Variants in IGFBP2 observed in about 807,000 individuals in gnomAD.
IGFBP2 encodes the protein insulin-like growth factor-binding protein 2.
In IGFBP2, 12 loss-of-function variants were observed where a neutral mutation model predicts 26.2. The ratio of observed to expected loss-of-function variants is 0.46; its 90% CI spans 0.29 to 0.74. The LOEUF (loss-of-function observed/expected upper bound fraction) is 0.74. IGFBP2 is among the 30% of genes least tolerant of loss of function. The pLI, the probability that IGFBP2 is intolerant of heterozygous loss-of-function variation, is 0.09. For synonymous variants in IGFBP2, 189 were observed against 200.6 expected, an observed-to-expected ratio of 0.94 and a Z score of 0.49; for missense variants, 328 against 441.2, an observed-to-expected ratio of 0.74 and a Z score of 2.30.
At chr2:216,661,817 C>T (rs1295909160) in intron 2 of IGFBP2, 41 bp from the exon 3 acceptor site, 1 of 1,612,710 alleles carries the variant, frequency 6.2e-7, no homozygotes, top group Non-Finnish European at 8.5e-7. Flanking sequence ...CGTGGGCCTG[C>T]TGTCCTCACT....
In IGFBP2 at chr2:216,660,587, T is replaced by G; in HGVS notation, c.473T>G (p.Leu158Arg). Reference protein sequence around the residue: ...DNGDDHSEGGLVENHVDSTMN... With the variant: ...DNGDDHSEGGRVENHVDSTMN... ...GGCGATGACCACTCAGAAGGAGGCCTGGTGGAGAACCACGTGGACAGCACC... is the reference window on the plus strand; with the variant it reads ...GGCGATGACCACTCAGAAGGAGGCCGGGTGGAGAACCACGTGGACAGCACC... Residue 158 changes from leucine to arginine, a missense_variant, in exon 2 of 4, where the codon CTG (leucine) becomes CGG (arginine). Physicochemically the swap from Leu to Arg is moderately radical, Grantham distance 102 (BLOSUM62 -2). Coordinates refer to ENST00000233809, the MANE Select transcript of IGFBP2 (RefSeq NM_000597.3). 6.2e-7 allele frequency: 1 copy of G among 1,612,312 alleles called. No homozygotes were observed. Among genetic ancestry groups the G allele is most frequent in the Non-Finnish European group, 8.5e-7 (1 of 1,178,948 alleles).
chr2:216,663,748 G>A (rs1167318544), intron 3 of IGFBP2, 192 bp from the exon 4 acceptor site: 6 of 543,316 alleles, frequency 1.1e-5, no homozygotes, highest in Non-Finnish European at 1.9e-5. Flanking sequence ...AGAATTTCCA[G>A]CTCTCCAGGG....
At chr2:216,652,864 C>T in intron 1 of IGFBP2, among the ~76,000 whole-genome samples, 1 of 152,134 alleles carries the variant, frequency 6.6e-6, no homozygotes, top group East Asian at 1.9e-4. Flanking sequence ...GCTTGGAATG[C>T]TATTACCTGT....
At chr2:216,646,326 G>C (rs1296225757) in intron 1 of IGFBP2, among the ~76,000 whole-genome samples, 1 of 152,150 alleles carries the variant, frequency 6.6e-6, no homozygotes, top group African/African-American at 2.4e-5. Flanking sequence ...TGAATTGTTT[G>C]AATGTGGGTC....
intron 1 of IGFBP2, among the ~76,000 whole-genome samples, chr2:216,643,754 G>A (rs946822487): frequency 6.6e-6 from 1 of 152,196 alleles, no homozygotes; most frequent in Non-Finnish European, 1.5e-5. Flanking sequence ...CTCCTGGGCT[G>A]CAGGTTGGAC....
chr2:216,662,667 C>G (rs1205956708), intron 3 of IGFBP2: 1 of 147,132 alleles, frequency 6.8e-6, no homozygotes, highest in Non-Finnish European at 1.5e-5. Context: ...AATATTTTCC[C>G]TGTAACATAC....
At chr2:216,649,259 T>C (rs1483050960) in intron 1 of IGFBP2, among the ~76,000 whole-genome samples, 2 of 152,228 alleles carry the variant, frequency 1.3e-5, no homozygotes, top group Non-Finnish European at 2.9e-5. Context: ...TCAGAAATAT[T>C]CTTTTTAACT....
chr2:216,646,526 C>T (rs1451701097), intron 1 of IGFBP2, among the ~76,000 whole-genome samples: 2 of 152,180 alleles, frequency 1.3e-5, no homozygotes, highest in African/African-American at 4.8e-5. Flanking sequence ...GCTAGATGCT[C>T]TTTGATAGTG....
At chr2:216,661,101 C>CTT in intron 2 of IGFBP2, 6 of 342,200 alleles carry the variant, frequency 1.8e-5, no homozygotes, top group Admixed American at 4.8e-5. Flanking sequence ...CTTGCTTACT[C>CTT]TTTTTTTTTT....
chr2:216,660,381 A>T (rs1392057003), intron 1 of IGFBP2, among the ~76,000 whole-genome samples, 176 bp from the exon 2 acceptor site: 1 of 152,206 alleles, frequency 6.6e-6, no homozygotes, highest in Admixed American at 6.5e-5. Flanking sequence ...AGTTAGGGTG[A>T]AGCTGAAATT....
In IGFBP2 at chr2:216,659,530, T is replaced by C. The variant is rs889520227; in HGVS notation, c.443-1027T>C. On this transcript the variant is annotated intron_variant, in intron 1 of 3. Coordinates refer to ENST00000233809, the MANE Select transcript of IGFBP2 (RefSeq NM_000597.3). The stretch of plus-strand genomic sequence containing the variant: ...TGTGAGGCCCTGCCCTTCTGGAGCT[T>C]GCTGGGGCTTGTCTCCTGGTTACAG... 7 of 602,464 alleles carry C rather than the reference T, an allele frequency of 1.2e-5. No individual in the cohort carries two copies. In the East Asian group the frequency reaches 1.7e-4, roughly 15 times the overall value. The allele number at this position is 602,464 out of a possible 1,614,324, so 37.3% of individuals were successfully genotyped here.
intron 3 of IGFBP2, chr2:216,662,556 A>G (rs57610556): frequency 0.011 from 1,703 of 155,478 alleles, 37 homozygotes; most frequent in African/African-American, 0.039. Context: ...CATTGTAAAT[A>G]CATTGGAGAA....
chr2:216,664,183 G>T lies in IGFBP2; in HGVS notation c.*79G>T. On this transcript the variant is annotated 3_prime_UTR_variant, in exon 4 of 4. Transcript: ENST00000233809. The surrounding 1 kb of genome is among the most constrained non-coding windows in gnomAD (Gnocchi z 4.6). ...GGCAGAAAACGGAGAGTGCTTGGGT[G>T]GTGGGTGCTGGAGGATTTTCCAGTT... 1 of 1,229,578 alleles carries T rather than the reference G, an allele frequency of 8.1e-7. No homozygotes were observed. Among genetic ancestry groups the T allele is most frequent in the Non-Finnish European group, 1.1e-6 (1 of 904,040 alleles). 76.2% of individuals were successfully genotyped at this position (1,229,578 alleles called of 1,614,324 possible).
In IGFBP2 at chr2:216,661,950, C is replaced by T. The variant is rs1688661241; in HGVS notation, c.765C>T (p.Ser255=). The T allele has an allele frequency of 1.9e-6, 3 of 1,614,110 alleles. No individual in the cohort carries two copies. The highest frequency in any genetic ancestry group is 2.5e-6 in the Non-Finnish European group (3 of 1,180,044). The change falls in exon 3 of 4, where the codon TCC becomes TCT. Residue 255 remains serine (S), a synonymous_variant. Transcript: ENST00000233809. The part of the protein sequence containing the change: ...DERGPLEHLY[S]LHIPNCDKHG... ...GGGGCCCTCTGGAGCACCTCTACTC[C>T]CTGCACATCCCCAACTGTGACAAGC... is the stretch of plus-strand genomic sequence containing the variant.
At chr2:216,658,548 T>G (rs547099938) in intron 1 of IGFBP2, among the ~76,000 whole-genome samples, 2 of 151,766 alleles carry the variant, frequency 1.3e-5, no homozygotes, top group South Asian at 4.2e-4. Context: ...ATTTATTTAT[T>G]TATTTATTTA....
chr2:216,637,118 C>T (rs756966417), intron 1 of IGFBP2, among the ~76,000 whole-genome samples: 1 of 152,194 alleles, frequency 6.6e-6, no homozygotes, highest in Non-Finnish European at 1.5e-5. Context: ...AATTTGCATA[C>T]TGAGTTCAAA....
At chr2:216,644,584 T>A (rs1355299567) in intron 1 of IGFBP2, among the ~76,000 whole-genome samples, 1 of 152,034 alleles carries the variant, frequency 6.6e-6, no homozygotes, top group Non-Finnish European at 1.5e-5. Flanking sequence ...GTGATTCAGG[T>A]TGGACTCTGG....
intron 1 of IGFBP2, among the ~76,000 whole-genome samples, chr2:216,645,277 G>A (rs536735507): frequency 1.1e-4 from 16 of 152,290 alleles, no homozygotes; most frequent in South Asian, 2.1e-4. Flanking sequence ...AGGCTTTTGC[G>A]GTTGAGTAGG....
chr2:216,637,676 A>G (rs1228676472), intron 1 of IGFBP2, among the ~76,000 whole-genome samples: 1 of 152,218 alleles, frequency 6.6e-6, no homozygotes, highest in Non-Finnish European at 1.5e-5. Flanking sequence ...AGGTTAGAAT[A>G]GGTGGTAGAG....
Sources: allele counts gnomAD v4.1 joint callset (sites outside exome capture counted in the v4.1 genomes callset), GRCh38; gene constraint gnomAD v4.1.1; non-coding constraint Gnocchi (gnomAD v3.1); transcripts MANE v1.5; gene names NCBI Gene and HGNC (gene_info 2026-07-23, HGNC 2026-07-21).